Variants in PCSK5 observed in about 807,000 individuals in gnomAD.
PCSK5 encodes the protein prohormone convertase 5.
PCSK5 carries 129 observed loss-of-function variants against 233.2 expected under a neutral mutation model. That is an observed-to-expected ratio of 0.55 (90% confidence interval 0.48 to 0.64). PCSK5 has a LOEUF of 0.64. PCSK5 is among the 30% of genes least tolerant of loss of function. PCSK5 has a pLI of 0.00. For missense variants in PCSK5, 2,076 were observed against 2,430.1 expected, an observed-to-expected ratio of 0.85 and a Z score of 3.06; for synonymous variants, 825 against 879.2, an observed-to-expected ratio of 0.94 and a Z score of 1.09.
intron 7 of PCSK5, among the ~76,000 whole-genome samples, chr9:76,085,451 C>G (rs765814027): frequency 2.0e-5 from 3 of 152,192 alleles, no homozygotes; most frequent in East Asian, 1.9e-4. Context: ...ACAGAGCTAT[C>G]GTGAAGGCTG....
intron 35 of PCSK5, among the ~76,000 whole-genome samples, chr9:76,344,354 C>T (rs1001471503): frequency 1.4e-5 from 2 of 148,036 alleles, no homozygotes; most frequent in Non-Finnish European, 3.0e-5. Context: ...CCCACCATTC[C>T]CAGGAAGCCC....
At chr9:76,210,866 G>C (rs2131284995) in intron 20 of PCSK5, among the ~76,000 whole-genome samples, 1 of 152,306 alleles carries the variant, frequency 6.6e-6, no homozygotes, top group South Asian at 2.1e-4. Flanking sequence ...ATGGAGAGCT[G>C]TTCAGGAGAT....
At chr9:75,911,433 C>T (rs11144685) in intron 1 of PCSK5, among the ~76,000 whole-genome samples, 1 of 151,704 alleles carries the variant, frequency 6.6e-6, no homozygotes, top group African/African-American at 2.4e-5. Flanking sequence ...ACATTCATTG[C>T]AAATATTTTA....
intron 28 of PCSK5, among the ~76,000 whole-genome samples, chr9:76,307,799 A>G (rs1212720896): frequency 2.0e-5 from 3 of 152,272 alleles, no homozygotes; most frequent in Middle Eastern, 6.8e-3. Context: ...ACATTGACCA[A>G]TAATAAAATC....
rs1242840425 is a variant in PCSK5 at position 76,229,152 on chromosome 9, TA to T, written c.2729+1550del. The stretch of plus-strand genomic sequence containing the variant: ...TGTCTCTTTAAAATAACTATGCCTC[TA>T]AATATTGAATTTGCTTTAAAGAAGC... On this transcript the variant is annotated intron_variant, in intron 21 of 37. Coordinates refer to ENST00000674117, the MANE Select transcript of PCSK5 (RefSeq NM_001372043.1). Among the ~76,000 whole-genome samples, 3 of 152,378 alleles carry T rather than the reference TA, an allele frequency of 2.0e-5. No homozygotes were observed. In the East Asian group the frequency reaches 5.8e-4, roughly 29 times the overall value.
At chr9:75,935,303 G>A (rs548374792) in intron 2 of PCSK5, among the ~76,000 whole-genome samples, 11 of 152,152 alleles carry the variant, frequency 7.2e-5, no homozygotes, top group Middle Eastern at 3.4e-3. Flanking sequence ...TCCTCTCCTC[G>A]TGATCCACCC....
chr9:76,295,523 C>T, intron 26 of PCSK5, 112 bp downstream of exon 26: 2 of 888,340 alleles, frequency 2.3e-6, no homozygotes, highest in Admixed American at 2.9e-5. Flanking sequence ...CGTGTGGGCA[C>T]CTCTGGCCCA....
chr9:76,141,876 G>A (rs1171699782), intron 10 of PCSK5, among the ~76,000 whole-genome samples: 2 of 152,050 alleles, frequency 1.3e-5, no homozygotes, highest in African/African-American at 4.8e-5. Context: ...ACTAACTCAG[G>A]AACAGAAAAC....
In PCSK5 at chr9:76,065,194, A is replaced by G. The variant is rs111504017; in HGVS notation, c.633-2761A>G. Among the ~76,000 whole-genome samples the G allele has an allele frequency of 3.7e-3, 564 of 151,092 alleles. 6 individuals carry two copies. The highest frequency in any genetic ancestry group is 0.024 in the South Asian group (114 of 4,788). On this transcript the variant is annotated intron_variant, in intron 5 of 37. Transcript: ENST00000674117. ...GATTGCTGGATGATAAGCTAGATCT[A>G]TTTTTAGGTTTTACGGGACCCGCCA...
chr9:76,008,753 T>G (rs1291546026), intron 3 of PCSK5, among the ~76,000 whole-genome samples: 2 of 152,122 alleles, frequency 1.3e-5, no homozygotes, highest in African/African-American at 4.8e-5. Flanking sequence ...AGCTTTGCAT[T>G]CTTACCATAG....
At chr9:76,001,468 C>T (rs369877776) in intron 3 of PCSK5, among the ~76,000 whole-genome samples, 52 of 87,124 alleles carry the variant, frequency 6.0e-4, no homozygotes, top group East Asian at 1.1e-3. Context: ...ACCATCATAG[C>T]TTTTTTTTTT....
intron 24 of PCSK5, among the ~76,000 whole-genome samples, chr9:76,242,000 A>G (rs1826445807): frequency 6.6e-6 from 1 of 152,230 alleles, no homozygotes; most frequent in South Asian, 2.1e-4. Flanking sequence ...ATGCTGTTCT[A>G]TAGAACACTC....
intron 7 of PCSK5, among the ~76,000 whole-genome samples, chr9:76,078,694 T>C (rs1487465489): frequency 6.6e-6 from 1 of 152,246 alleles, no homozygotes; most frequent in Non-Finnish European, 1.5e-5. Context: ...TGTCTGTTTA[T>C]GTACCAATGT....
Position 75,903,600 on chromosome 9 carries a change from A to ATATATATATAATATATAT in PCSK5, c.192+12237_192+12238insATATATATTATATATATA, listed in dbSNP as rs1564071299. 5.2e-5 allele frequency among the ~76,000 whole-genome samples: 7 copies of ATATATATATAATATATAT among 133,616 alleles called. 1 individual carries two copies. Among genetic ancestry groups the ATATATATATAATATATAT allele is most frequent in the African/African-American group, 1.9e-4 (6 of 32,230 alleles). 87.7% of individuals were successfully genotyped at this position (133,616 alleles called of 152,430 possible). A position where few individuals can be genotyped will look rare whatever the true frequency, so the allele number is the denominator to read the frequency against. On this transcript the variant is annotated intron_variant, in intron 1 of 37. Coordinates refer to ENST00000674117, the MANE Select transcript of PCSK5 (RefSeq NM_001372043.1). ...TATATATATATATAAAATATATATTATATATATATATTATATATATATATA... is the reference window on the plus strand; with the variant it reads ...TATATATATATATAAAATATATATTATATATATATAATATATATTATATATATATTATATATATATATA...
At chr9:75,897,568 G>C (rs1392988111) in intron 1 of PCSK5, among the ~76,000 whole-genome samples, 1 of 141,728 alleles carries the variant, frequency 7.1e-6, no homozygotes, top group Non-Finnish European at 1.5e-5. Context: ...ATCTCAGCTC[G>C]CTGCAACCGC....
chr9:75,922,236 A>G (rs1487323317), intron 1 of PCSK5, among the ~76,000 whole-genome samples: 1 of 152,178 alleles, frequency 6.6e-6, no homozygotes, highest in Non-Finnish European at 1.5e-5. Context: ...TAAAGTACAG[A>G]CTGGAGGAGA....
At chr9:76,026,594 G>A (rs183043083) in intron 4 of PCSK5, among the ~76,000 whole-genome samples, 1 of 152,244 alleles carries the variant, frequency 6.6e-6, no homozygotes, top group Admixed American at 6.5e-5. Context: ...ATCACTTTGT[G>A]CCTAGGTAGT....
intron 35 of PCSK5, among the ~76,000 whole-genome samples, chr9:76,343,331 ATTTGTGTGTGTGTGTG>A (rs1156331215): frequency 3.4e-4 from 29 of 85,684 alleles, no homozygotes; most frequent in African/African-American, 1.0e-3. Context: ...CACCTGGGTA[ATTTGTGTGTGTGTGTG>A]TGTGTGTGTG....
At chr9:76,208,755 A>C (rs770970764) in intron 20 of PCSK5, among the ~76,000 whole-genome samples, 1 of 152,228 alleles carries the variant, frequency 6.6e-6, no homozygotes, top group Non-Finnish European at 1.5e-5. Context: ...TAGGCAGAGA[A>C]GAATAATTCT....
Sources: gnomAD v4.1 joint callset for allele counts (sites outside exome capture counted in the v4.1 genomes callset) on GRCh38, gnomAD v4.1.1 for gene constraint, MANE v1.5 for transcripts, NCBI Gene and HGNC (gene_info 2026-07-23, HGNC 2026-07-21) for gene names.